INVS: variants seen among roughly 807,000 people sequenced by gnomAD.
INVS encodes inversion of embryo turning homolog.
INVS carries 86 observed loss-of-function variants against 108.8 expected under a neutral mutation model. The observed-to-expected ratio is 0.79, with a 90% confidence interval of 0.66 to 0.95. The LOEUF (loss-of-function observed/expected upper bound fraction) is 0.95. INVS is among the 40% of genes least tolerant of loss of function. INVS has a pLI of 0.00. For synonymous variants in INVS, 455 were observed against 473.5 expected, an observed-to-expected ratio of 0.96 and a Z score of 0.51; for missense variants, 1,169 against 1,297.4, an observed-to-expected ratio of 0.90 and a Z score of 1.52.
intron 16 of INVS, among the ~76,000 whole-genome samples, chr9:100,299,707 A>G (rs1170797845): frequency 6.6e-6 from 1 of 151,196 alleles, no homozygotes; most frequent in Non-Finnish European, 1.5e-5. Flanking sequence ...TAACAATAAA[A>G]GAAAAGAACT....
chr9:100,287,515 T>G (rs957519108), intron 13 of INVS, among the ~76,000 whole-genome samples: 3 of 152,226 alleles, frequency 2.0e-5, no homozygotes, highest in Non-Finnish European at 4.4e-5. Flanking sequence ...TTGATATGGA[T>G]TGGCTCTGTG....
chr9:100,125,826 C>T (rs1827866811), intron 2 of INVS, among the ~76,000 whole-genome samples: 1 of 151,898 alleles, frequency 6.6e-6, no homozygotes, highest in Non-Finnish European at 1.5e-5. Context: ...GCTGGGATTA[C>T]AGGCGCCCGC....
intron 16 of INVS, among the ~76,000 whole-genome samples, chr9:100,299,736 C>T (rs1246494707): frequency 1.1e-4 from 17 of 151,594 alleles, no homozygotes; most frequent in Non-Finnish European, 1.5e-5. Context: ...AGTTCCATTC[C>T]AGTGAATGGA....
chr9:100,258,421 C>A (rs936383379), intron 10 of INVS, among the ~76,000 whole-genome samples: 11 of 152,328 alleles, frequency 7.2e-5, no homozygotes, highest in Non-Finnish European at 4.4e-5. Context: ...TCGTCAAAGT[C>A]ATTCTCCATC....
chr9:100,193,219 A>G (rs945220364), intron 3 of INVS, among the ~76,000 whole-genome samples: 1 of 151,996 alleles, frequency 6.6e-6, no homozygotes, highest in Non-Finnish European at 1.5e-5. Context: ...GCCATGAACA[A>G]TTCTCCCACC....
At chr9:100,281,834 A>C (rs1009179480) in intron 12 of INVS, among the ~76,000 whole-genome samples, 3 of 151,398 alleles carry the variant, frequency 2.0e-5, no homozygotes, top group Non-Finnish European at 4.4e-5. Context: ...CCTGTTCCTC[A>C]TGTGGCTGCC....
chr9:100,234,559 G>A (rs1056966658), intron 5 of INVS, among the ~76,000 whole-genome samples: 9 of 152,120 alleles, frequency 5.9e-5, no homozygotes, highest in African/African-American at 1.9e-4. Flanking sequence ...ATTCTGGTAC[G>A]TTGTGTCTTT....
At position 100,292,354 on chromosome 9, in the gene INVS, A is replaced by G; in HGVS notation, c.2097A>G (p.Gln699=). The part of the protein sequence containing the change: ...NETAREHSKG[Q]SACVHFRPNE... ...CAGCCAGAGAACATTCTAAAGGCCAATCTGCTTGTGTCCACTTCAGACCCA... is the reference window on the plus strand; with the variant it reads ...CAGCCAGAGAACATTCTAAAGGCCAGTCTGCTTGTGTCCACTTCAGACCCA... Residue 699 remains glutamine, a synonymous_variant, in exon 14 of 17, where the codon CAA becomes CAG. Transcript: ENST00000262457. 1 of 1,614,186 alleles carries G rather than the reference A, an allele frequency of 6.2e-7. No homozygotes were observed. Among genetic ancestry groups the G allele is most frequent in the East Asian group, 2.2e-5 (1 of 44,880 alleles).
intron 3 of INVS, among the ~76,000 whole-genome samples, chr9:100,186,409 C>T (rs775330009): frequency 9.2e-5 from 14 of 152,214 alleles, no homozygotes; most frequent in Non-Finnish European, 1.8e-4. Context: ...CCTCAGCCTC[C>T]CAAAGTGCTG....
chr9:100,111,212 A>C (rs1222556537), intron 2 of INVS, among the ~76,000 whole-genome samples: 1 of 152,246 alleles, frequency 6.6e-6, no homozygotes, highest in Non-Finnish European at 1.5e-5. Context: ...GAACAAGCAA[A>C]TAAGATACAA....
At chr9:100,165,421 C>T (rs917835787) in intron 3 of INVS, among the ~76,000 whole-genome samples, 1 of 152,122 alleles carries the variant, frequency 6.6e-6, no homozygotes, top group Non-Finnish European at 1.5e-5. Flanking sequence ...ATTCTACCAT[C>T]TATCCTACAG....
intron 3 of INVS, among the ~76,000 whole-genome samples, chr9:100,204,385 A>G (rs906872353): frequency 1.3e-5 from 2 of 152,226 alleles, no homozygotes; most frequent in African/African-American, 4.8e-5. Context: ...AAGGCAAACT[A>G]AAGAAGTTGA....
intron 12 of INVS, among the ~76,000 whole-genome samples, chr9:100,276,014 A>C (rs1196002270): frequency 1.3e-5 from 2 of 152,104 alleles, no homozygotes; most frequent in East Asian, 3.9e-4. Flanking sequence ...ATTTCACTCA[A>C]ATCTCAGATC....
intron 3 of INVS, among the ~76,000 whole-genome samples, chr9:100,152,364 T>G (rs1464791736): frequency 6.6e-6 from 1 of 152,194 alleles, no homozygotes; most frequent in Admixed American, 6.5e-5. Context: ...CTCCCACTTA[T>G]GAGTCACCAA....
chr9:100,198,980 C>T (rs1226565051), intron 3 of INVS, among the ~76,000 whole-genome samples: 1 of 152,124 alleles, frequency 6.6e-6, no homozygotes, highest in Non-Finnish European at 1.5e-5. Context: ...TTCGCAGAGA[C>T]GTCATAGGAG....
chr9:100,226,014 T>G, intron 3 of INVS, 48 bp from the exon 4 acceptor site: 2 of 1,388,248 alleles, frequency 1.4e-6, no homozygotes, highest in Non-Finnish European at 2.0e-6. Flanking sequence ...AAAAAAATTT[T>G]GACCCCATAG....
chr9:100,283,328 T>C (rs1327749154), intron 12 of INVS, among the ~76,000 whole-genome samples: 2 of 152,088 alleles, frequency 1.3e-5, no homozygotes, highest in African/African-American at 4.8e-5. Flanking sequence ...AAATACAAAA[T>C]ATAACATTTC....
intron 16 of INVS, 24 bp from the exon 17 acceptor site, chr9:100,300,544 C>G (rs779380367): frequency 1.4e-6 from 2 of 1,395,710 alleles, no homozygotes. Context: ...ACCTTAATAT[C>G]TATCTGGTAT....
chr9:100,201,043 G>A (rs988489375), intron 3 of INVS, among the ~76,000 whole-genome samples: 2 of 152,180 alleles, frequency 1.3e-5, no homozygotes, highest in African/African-American at 4.8e-5. Context: ...TGCTAGGCTG[G>A]CTTGCCACAT....
Sources: allele counts gnomAD v4.1 joint callset (sites outside exome capture counted in the v4.1 genomes callset), GRCh38; gene constraint gnomAD v4.1.1; transcripts MANE v1.5; gene names NCBI Gene and HGNC (gene_info 2026-07-23, HGNC 2026-07-21).